Variants in APBA1 observed in about 807,000 individuals in gnomAD.
APBA1 encodes the protein amyloid-beta A4 precursor protein-binding family A member 1.
A neutral mutation model predicts 86.6 loss-of-function variants in APBA1; 55 were observed. The observed-to-expected ratio is 0.64, with a 90% CI of 0.51 to 0.80. The LOEUF is 0.80. APBA1 is among the 30% of genes least tolerant of loss of function. The pLI, the probability that APBA1 is intolerant of heterozygous loss-of-function variation, is 0.00. For missense variants in APBA1, 1,090 were observed against 1,183.0 expected (o/e 0.92, Z 1.15); for synonymous variants, 511 against 493.9 (o/e 1.03, Z -0.46).
chr9:69,585,030 T>C (rs2133959838), intron 1 of APBA1, among the ~76,000 whole-genome samples: 1 of 152,324 alleles, frequency 6.6e-6, no homozygotes, highest in Admixed American at 6.5e-5. Flanking sequence ...TTCACATTTG[T>C]TCACTCAACA....
chr9:69,490,538 G>A (rs1284368320), intron 2 of APBA1, among the ~76,000 whole-genome samples: 2 of 151,458 alleles, frequency 1.3e-5, no homozygotes, highest in Non-Finnish European at 2.9e-5. Flanking sequence ...CAGGACATAG[G>A]CATGGGCAAA....
At chr9:69,534,300 C>T (rs945071218) in intron 1 of APBA1, among the ~76,000 whole-genome samples, 1 of 152,192 alleles carries the variant, frequency 6.6e-6, no homozygotes, top group East Asian at 1.9e-4. Flanking sequence ...AGCATTGGAA[C>T]TACATTTATA....
intron 1 of APBA1, among the ~76,000 whole-genome samples, chr9:69,563,039 T>C (rs1411083803): frequency 6.6e-6 from 1 of 152,246 alleles, no homozygotes; most frequent in Non-Finnish European, 1.5e-5. Flanking sequence ...CATCTCAAGA[T>C]GCTTAAAAGC....
chr9:69,442,119 C>T (rs1170434445), intron 10 of APBA1, among the ~76,000 whole-genome samples: 1 of 152,246 alleles, frequency 6.6e-6, no homozygotes, highest in African/African-American at 2.4e-5. Flanking sequence ...GCAAAAGGAA[C>T]TCAGCCCTGA....
At chr9:69,455,220 G>A (rs1017128015) in intron 8 of APBA1, among the ~76,000 whole-genome samples, 11 of 152,158 alleles carry the variant, frequency 7.2e-5, no homozygotes, top group African/African-American at 2.2e-4. Flanking sequence ...TCAGGACTCC[G>A]TGCTCCATGT....
intron 1 of APBA1, among the ~76,000 whole-genome samples, chr9:69,641,949 G>A (rs757224471): frequency 7.2e-5 from 11 of 152,138 alleles, no homozygotes; most frequent in South Asian, 2.1e-4. Flanking sequence ...GGATTCAACC[G>A]ATTCTCCTGC....
chr9:69,658,282 T>TTCTCTC lies in APBA1; in HGVS notation c.-70+13865_-70+13870dup, dbSNP rs748330338. Among the ~76,000 whole-genome samples, 200 of 39,814 alleles carry TTCTCTC rather than the reference T, an allele frequency of 5.0e-3. 6 individuals are homozygous for TTCTCTC. Among genetic ancestry groups the TTCTCTC allele is most frequent in the Non-Finnish European group, 6.9e-3 (110 of 15,988 alleles). The allele number at this position is 39,814 out of a possible 152,430, so 26.1% of individuals were successfully genotyped here. On this transcript the variant is annotated intron_variant, in intron 1 of 12. Transcript: ENST00000265381. ...TTTCTTTCTTTCTTTCTTTCTTTCT[T>TTCTCTC]TCTCTCTCTCTTTCTCTCTCTCTCT...
At chr9:69,589,667 G>A (rs1194658105) in intron 1 of APBA1, among the ~76,000 whole-genome samples, 1 of 152,042 alleles carries the variant, frequency 6.6e-6, no homozygotes, top group African/African-American at 2.4e-5. Flanking sequence ...AACTCATTCT[G>A]TGCCCTGCCC....
At chr9:69,578,246 T>C (rs1195314063) in intron 1 of APBA1, among the ~76,000 whole-genome samples, 2 of 152,200 alleles carry the variant, frequency 1.3e-5, no homozygotes, top group Non-Finnish European at 2.9e-5. Context: ...CCCTTTACAC[T>C]GGAGCACGGA....
At chr9:69,553,289 G>A (rs551503520) in intron 1 of APBA1, among the ~76,000 whole-genome samples, 22 of 152,242 alleles carry the variant, frequency 1.4e-4, no homozygotes, top group South Asian at 2.1e-4. Flanking sequence ...GTGTGTGTGC[G>A]CTTGTATACA....
chr9:69,582,593 T>C (rs1489355275), intron 1 of APBA1, among the ~76,000 whole-genome samples: 2 of 152,160 alleles, frequency 1.3e-5, no homozygotes, highest in African/African-American at 2.4e-5. Context: ...ATGGGGGAAA[T>C]ACCACTGATT....
chr9:69,606,402 C>T (rs951748604), intron 1 of APBA1, among the ~76,000 whole-genome samples: 3 of 148,716 alleles, frequency 2.0e-5, no homozygotes, highest in African/African-American at 4.9e-5. Flanking sequence ...TTTATTGTAT[C>T]GCCTACTTTT....
rs1822744302 is a variant in APBA1 at position 69,618,249 on chromosome 9, C to A, written c.-70+53904G>T. 3.3e-5 allele frequency among the ~76,000 whole-genome samples: 5 copies of A among 152,300 alleles called. No homozygotes were observed. In the South Asian group the frequency reaches 1.0e-3, roughly 32 times the overall value. ...CTAACTTGGTGGAACATCCCCAGGT[C>A]TTCTCAGACTCTTCATTGGCTCCCT... On this transcript the variant is annotated intron_variant, in intron 1 of 12. Coordinates refer to ENST00000265381, the MANE Select transcript of APBA1 (RefSeq NM_001163.4).
chr9:69,577,535 G>A (rs749179160), intron 1 of APBA1, among the ~76,000 whole-genome samples: 1 of 152,132 alleles, frequency 6.6e-6, no homozygotes, highest in Non-Finnish European at 1.5e-5. Flanking sequence ...GGAGACTGGA[G>A]GGTTTACAAT....
chr9:69,502,496 C>G (rs1835894391), intron 2 of APBA1, among the ~76,000 whole-genome samples: 1 of 151,688 alleles, frequency 6.6e-6, no homozygotes. Context: ...TAAAGGTGTA[C>G]CAGTAAAATC....
chr9:69,649,387 G>A (rs1355405913), intron 1 of APBA1, among the ~76,000 whole-genome samples: 1 of 152,122 alleles, frequency 6.6e-6, no homozygotes, highest in Non-Finnish European at 1.5e-5. Flanking sequence ...TCTCCAGCCA[G>A]CTAACCCACA....
chr9:69,574,723 G>C (rs896990615), intron 1 of APBA1, among the ~76,000 whole-genome samples: 1 of 152,088 alleles, frequency 6.6e-6, no homozygotes, highest in Non-Finnish European at 1.5e-5. Context: ...TTCATAGAAA[G>C]TGAAAAAGCA....
chr9:69,458,097 C>T, intron 6 of APBA1, 59 bp downstream of exon 6: 3 of 1,490,626 alleles, frequency 2.0e-6, no homozygotes, highest in African/African-American at 1.4e-5. Context: ...AAAGGTAAAA[C>T]AGAAACGAAT....
chr9:69,517,057 G>T lies in APBA1; in HGVS notation c.154C>A (p.Gln52Lys), dbSNP rs749791119. 2.5e-6 allele frequency: 4 copies of T among 1,583,906 alleles called. No individual in the cohort carries two copies. Among genetic ancestry groups the T allele is most frequent in the Non-Finnish European group, 3.4e-6 (4 of 1,171,204 alleles). Residue 52 changes from glutamine to lysine, a missense_variant, in exon 2 of 13, where the codon CAG becomes AAG. By Grantham distance (53) the Gln-to-Lys change is moderately conservative (BLOSUM62 1). Coordinates refer to ENST00000265381, the MANE Select transcript of APBA1 (RefSeq NM_001163.4). ...PQQQHYVGRH[Q>K]RGRALEDLRA... ...AGGTCCTCGAGGGCTCGCCCGCGCT[G>T]GTGGCGGCCCACATAGTGCTGCTGC...
Sources: allele counts gnomAD v4.1 joint callset (sites outside exome capture counted in the v4.1 genomes callset), GRCh38; gene constraint gnomAD v4.1.1; transcripts MANE v1.5; gene names NCBI Gene and HGNC (gene_info 2026-07-23, HGNC 2026-07-21).